CADPS2: variants seen among roughly 807,000 people sequenced by gnomAD.
CADPS2 encodes calcium-dependent secretion activator 2.
CADPS2 carries 93 observed loss-of-function variants against 172.5 expected under a neutral mutation model. The ratio of observed to expected loss-of-function variants is 0.54; its 90% CI spans 0.46 to 0.64. The LOEUF is 0.64. Ranked by LOEUF, CADPS2 falls within the 30% of genes least tolerant of loss-of-function variation. CADPS2 has a pLI of 0.00. For synonymous variants in CADPS2, 546 were observed against 555.2 expected (o/e 0.98, Z 0.23); for missense variants, 1,420 against 1,565.9 (o/e 0.91, Z 1.57).
intron 1 of CADPS2, among the ~76,000 whole-genome samples, chr7:122,853,844 G>T (rs1398989673): frequency 6.6e-6 from 1 of 152,174 alleles, no homozygotes; most frequent in Non-Finnish European, 1.5e-5. Context: ...CAGGAGAAAA[G>T]GTAGAGGGGC....
In CADPS2 at chr7:122,759,624, T is replaced by C. The variant is rs568497160; in HGVS notation, c.340-22556A>G. Among the ~76,000 whole-genome samples the C allele has an allele frequency of 8.5e-5, 13 of 152,222 alleles. No homozygotes were observed. The South Asian group carries it at 2.7e-3, about 32-fold the overall frequency. On this transcript the variant is annotated intron_variant, in intron 1 of 29. Coordinates refer to ENST00000449022, the MANE Select transcript of CADPS2 (RefSeq NM_017954.11). ...GAAGGGCTTAATTTTATAGACTACA[T>C]AGTCATTATACTGATTTATAGAGGA...
At chr7:122,441,627 T>G in intron 15 of CADPS2, 52 bp from the exon 16 acceptor site, 1 of 1,108,786 alleles carries the variant, frequency 9.0e-7, no homozygotes. Flanking sequence ...TACCCAAGAC[T>G]GCTAAATAAT....
chr7:122,656,392 C>A (rs2079797151), intron 3 of CADPS2, among the ~76,000 whole-genome samples: 1 of 152,078 alleles, frequency 6.6e-6, no homozygotes, highest in African/African-American at 2.4e-5. Flanking sequence ...AATACCACCC[C>A]ACTCCAGCCC....
At chr7:122,336,608 C>A (rs907773560) in intron 28 of CADPS2, among the ~76,000 whole-genome samples, 1 of 152,176 alleles carries the variant, frequency 6.6e-6, no homozygotes, top group African/African-American at 2.4e-5. Context: ...ATAATCAATT[C>A]AACAGTCTCT....
chr7:122,748,831 A>C (rs551375184), intron 1 of CADPS2, among the ~76,000 whole-genome samples: 2 of 152,252 alleles, frequency 1.3e-5, no homozygotes, highest in East Asian at 3.9e-4. Flanking sequence ...CTTTTCACTG[A>C]AAGTAATAGA....
intron 14 of CADPS2, among the ~76,000 whole-genome samples, chr7:122,458,779 C>T (rs1184649414): frequency 6.6e-6 from 1 of 151,992 alleles, no homozygotes; most frequent in Non-Finnish European, 1.5e-5. Flanking sequence ...TGGGACCAAA[C>T]AAACAAATAA....
chr7:122,790,499 A>C (rs1563024219), intron 1 of CADPS2, among the ~76,000 whole-genome samples: 1 of 152,000 alleles, frequency 6.6e-6, no homozygotes, highest in Admixed American at 6.6e-5. Flanking sequence ...GTTTCTAATC[A>C]CCACCTACCC....
chr7:122,886,154 A>C lies in CADPS2; in HGVS notation c.184T>G (p.Ser62Ala), dbSNP rs1378672013. 2 of 1,542,274 alleles carry C rather than the reference A, an allele frequency of 1.3e-6. No individual in the cohort carries two copies. The highest frequency in any genetic ancestry group is 1.7e-6 in the Non-Finnish European group (2 of 1,144,314). Residue 62 changes from serine to alanine, a missense_variant, in exon 1 of 30, where the codon TCT becomes GCT. Ser to Ala is a moderately conservative substitution (Grantham distance 99, BLOSUM62 1). Coordinates refer to ENST00000449022, the MANE Select transcript of CADPS2 (RefSeq NM_017954.11). Reference protein sequence around the residue: ...GAARSVSPSPSVLSEGRDEPQ... With the variant: ...GAARSVSPSPAVLSEGRDEPQ... Reference sequence around the variant, plus strand: ...TCGTCTCGCCCCTCGCTGAGCACAGAGGGGCTCGGGCTCACAGATCTGGCC... The same window carrying C: ...TCGTCTCGCCCCTCGCTGAGCACAGCGGGGCTCGGGCTCACAGATCTGGCC...
At chr7:122,661,511 T>C (rs1313157416) in intron 3 of CADPS2, among the ~76,000 whole-genome samples, 1 of 152,196 alleles carries the variant, frequency 6.6e-6, no homozygotes, top group Non-Finnish European at 1.5e-5. Flanking sequence ...TCTTATAATA[T>C]CTTTGTGTTT....
chr7:122,885,992 A>G lies in CADPS2; in HGVS notation c.339+7T>C. ...GGTGGTAGGAGGCGCCCGGTCCCGC[A>G]ACTCACCTTCTGCTGCCTCCGGGCC... On this transcript the variant is annotated splice_region_variant and intron_variant, in intron 1 of 29. Transcript: ENST00000449022. 1 of 1,601,000 alleles carries G rather than the reference A, an allele frequency of 6.2e-7. No individual in the cohort carries two copies. Among genetic ancestry groups the G allele is most frequent in the Non-Finnish European group, 8.5e-7 (1 of 1,174,316 alleles).
chr7:122,563,308 C>T lies in CADPS2; in HGVS notation c.1336-8619G>A, dbSNP rs554163052. Among the ~76,000 whole-genome samples the T allele has an allele frequency of 4.6e-5, 7 of 152,228 alleles. No homozygotes were observed. The South Asian group carries it at 1.5e-3, about 32-fold the overall frequency. ...TCAAAACAGTTTCTATTAGAGGATA[C>T]TGCTTGAGTAGCTTTATCATTTTTC... On this transcript the variant is annotated intron_variant, in intron 7 of 29. Coordinates refer to ENST00000449022, the MANE Select transcript of CADPS2 (RefSeq NM_017954.11).
chr7:122,388,651 T>C lies in CADPS2; in HGVS notation c.3096A>G (p.Glu1032=). 1 of 1,611,472 alleles carries C rather than the reference T, an allele frequency of 6.2e-7. No individual in the cohort carries two copies. Among genetic ancestry groups the C allele is most frequent in the South Asian group, 1.1e-5 (1 of 90,682 alleles). Reference sequence around the variant, plus strand: ...GTCTTTGCTCTAAGTGGTGGGCAAATTCCTGTTCTGGCCAGTGCAGATCAA... The same window carrying C: ...GTCTTTGCTCTAAGTGGTGGGCAAACTCCTGTTCTGGCCAGTGCAGATCAA... ...FVFDLHWPEQ[E]FAHHLEQRLK... Residue 1032 remains glutamate (E), a synonymous_variant, in exon 23 of 30, where the codon GAA becomes GAG. Coordinates refer to ENST00000449022, the MANE Select transcript of CADPS2 (RefSeq NM_017954.11).
intron 17 of CADPS2, among the ~76,000 whole-genome samples, chr7:122,431,784 T>A (rs549146197): frequency 6.6e-6 from 1 of 151,604 alleles, no homozygotes; most frequent in Non-Finnish European, 1.5e-5. Flanking sequence ...AGGTCAGGGG[T>A]TTGAGACCAG....
At chr7:122,839,302 G>A (rs1809619429) in intron 1 of CADPS2, among the ~76,000 whole-genome samples, 1 of 152,074 alleles carries the variant, frequency 6.6e-6, no homozygotes, top group African/African-American at 2.4e-5. Context: ...AGACTTAAAT[G>A]TTAGACCTAA....
At chr7:122,668,524 T>C (rs1358025628) in intron 2 of CADPS2, among the ~76,000 whole-genome samples, 1 of 152,108 alleles carries the variant, frequency 6.6e-6, no homozygotes, top group Admixed American at 6.5e-5. Context: ...CAGAGTAGAC[T>C]GCTAGTAAAA....
chr7:122,649,843 T>G (rs2134913567), intron 3 of CADPS2, among the ~76,000 whole-genome samples: 1 of 151,936 alleles, frequency 6.6e-6, no homozygotes, highest in South Asian at 2.1e-4. Context: ...ATCTTGTCAT[T>G]TATGTATTTT....
chr7:122,832,669 T>C (rs1298668040), intron 1 of CADPS2, among the ~76,000 whole-genome samples: 3 of 152,218 alleles, frequency 2.0e-5, no homozygotes, highest in Non-Finnish European at 4.4e-5. Flanking sequence ...ACATCACATA[T>C]GTTAAACTGA....
chr7:122,576,994 C>G (rs569770969), intron 7 of CADPS2, among the ~76,000 whole-genome samples: 1 of 152,152 alleles, frequency 6.6e-6, no homozygotes, highest in Non-Finnish European at 1.5e-5. Context: ...CTCCTGACCT[C>G]AGGTGATCCC....
intron 2 of CADPS2, among the ~76,000 whole-genome samples, chr7:122,690,274 T>C (rs1396389804): frequency 6.6e-6 from 1 of 152,198 alleles, no homozygotes; most frequent in Non-Finnish European, 1.5e-5. Flanking sequence ...CCCTGGGTGA[T>C]GATGCTACAC....
Sources: allele counts gnomAD v4.1 joint callset (sites outside exome capture counted in the v4.1 genomes callset), GRCh38; gene constraint gnomAD v4.1.1; transcripts MANE v1.5; gene names NCBI Gene and HGNC (gene_info 2026-07-23, HGNC 2026-07-21).